The following ACSM3 variants were observed in gnomAD, a reference collection of about 807,000 sequenced individuals.
The protein encoded by ACSM3 is acyl-coenzyme A synthetase ACSM3, mitochondrial.
ACSM3 carries 61 observed loss-of-function variants against 74.1 expected under a neutral mutation model. The observed-to-expected ratio is 0.82, with a 90% confidence interval of 0.67 to 1.02. The LOEUF is 1.02. ACSM3 is among the 50% of genes least tolerant of loss of function. The pLI is 0.00. For missense variants in ACSM3, 660 were observed against 697.0 expected (o/e 0.95, Z 0.60); for synonymous variants, 213 against 241.5 (o/e 0.88, Z 1.09).
At chr16:20,703,123 A>G (rs954654050) in intron 1 of ACSM3, 1 of 152,202 alleles carries the variant, frequency 6.6e-6, no homozygotes, top group African/African-American at 2.4e-5. Context: ...AGATGGCTGT[A>G]GATGTATAGT....
intron 1 of ACSM3, among the ~76,000 whole-genome samples, chr16:20,713,156 A>G (rs1226910383): frequency 6.6e-6 from 1 of 152,202 alleles, no homozygotes; most frequent in Non-Finnish European, 1.5e-5. Context: ...TATCCATACA[A>G]TGGAGATAAT....
intron 1 of ACSM3, among the ~76,000 whole-genome samples, chr16:20,715,572 C>T (rs1171110169): frequency 6.6e-6 from 1 of 152,038 alleles, no homozygotes; most frequent in South Asian, 2.1e-4. Context: ...CCACTGCACT[C>T]CAGCCTGGGT....
intron 1 of ACSM3, among the ~76,000 whole-genome samples, chr16:20,695,471 G>T (rs549791997): frequency 8.0e-4 from 122 of 152,254 alleles, no homozygotes; most frequent in African/African-American, 2.8e-3. Flanking sequence ...TGGAGTTAAG[G>T]TCTAAAGAGA....
chr16:20,730,532 C>T (rs1458211880), intron 1 of ACSM3, among the ~76,000 whole-genome samples: 3 of 152,134 alleles, frequency 2.0e-5, no homozygotes, highest in African/African-American at 7.2e-5. Context: ...ACATCTGTAC[C>T]TCCCTCTCAC....
chr16:20,736,538 T>C lies in ACSM3; in HGVS notation c.-189-13372T>C, dbSNP rs74011851. ...CTGTGGCATGTAAAAACTCCTTCCT[T>C]AGAATGAAAACTTCCCTCTGATTTT... On this transcript the variant is annotated intron_variant, in intron 1 of 3. Coordinates refer to the ACSM3 transcript ENST00000561584. 1.2e-3 allele frequency: 263 copies of C among 221,072 alleles called. 1 individual carries two copies. The highest frequency in any genetic ancestry group is 5.5e-3 in the African/African-American group (241 of 44,158). The allele number at this position is 221,072 out of a possible 1,614,324, so 13.7% of individuals were successfully genotyped here.
intron 2 of ACSM3, among the ~76,000 whole-genome samples, chr16:20,753,852 T>C (rs890487455): frequency 3.7e-5 from 3 of 80,418 alleles, no homozygotes; most frequent in African/African-American, 1.4e-4. Context: ...AAGAAAGAAA[T>C]GAAAAGAAGA....
chr16:20,785,244 T>C, intron 8 of ACSM3, 137 bp downstream of exon 8: 2 of 1,224,866 alleles, frequency 1.6e-6, no homozygotes, highest in Non-Finnish European at 2.2e-6. Flanking sequence ...AAACAATGCT[T>C]GCAAGAACCT....
chr16:20,771,694 C>T (rs1192196161), intron 2 of ACSM3, among the ~76,000 whole-genome samples: 1 of 152,148 alleles, frequency 6.6e-6, no homozygotes, highest in Non-Finnish European at 1.5e-5. Flanking sequence ...CTGCAATAAA[C>T]ATGGCAGTGC....
intron 1 of ACSM3, chr16:20,679,752 C>T (rs907501278): frequency 6.6e-6 from 1 of 152,286 alleles, no homozygotes; most frequent in African/African-American, 2.4e-5. Context: ...ACAACCAGAC[C>T]ACCTATTCGG....
intron 1 of ACSM3, among the ~76,000 whole-genome samples, chr16:20,685,819 C>CGA (rs2079538798): frequency 2.0e-5 from 1 of 50,190 alleles, no homozygotes; most frequent in Non-Finnish European, 3.2e-5. Flanking sequence ...GACTCCGTCT[C>CGA]AAAAAAAAAA....
chr16:20,782,029 T>C (rs1297241685), intron 7 of ACSM3, among the ~76,000 whole-genome samples: 1 of 152,104 alleles, frequency 6.6e-6, no homozygotes, highest in Non-Finnish European at 1.5e-5. Context: ...CTAAGCCCAG[T>C]GGTTATGGGT....
At chr16:20,694,353 A>G (rs753796450) in intron 1 of ACSM3, among the ~76,000 whole-genome samples, 3 of 152,226 alleles carry the variant, frequency 2.0e-5, no homozygotes, top group Non-Finnish European at 2.9e-5. Context: ...CAGGAAGTAA[A>G]AATGGCCTTG....
chr16:20,780,737 G>C lies in ACSM3; in HGVS notation c.662G>C (p.Cys221Ser). The C allele has an allele frequency of 6.2e-7, 1 of 1,614,152 alleles. No individual in the cohort carries two copies. Among genetic ancestry groups the C allele is most frequent in the South Asian group, 1.1e-5 (1 of 91,082 alleles). The change falls in exon 5 of 14, where the codon TGT (cysteine) becomes TCT (serine). Residue 221 changes from cysteine to serine, a missense_variant. Transcript: ENST00000289416. Reference protein sequence around the residue: ...LMKHASDSHTCVKTKHNEIMA... With the variant: ...LMKHASDSHTSVKTKHNEIMA... Reference sequence around the variant, plus strand: ...AGACATGCCAGTGACAGCCACACCTGTGTGAAGACAAAACACAATGAGATC... The same window carrying C: ...AGACATGCCAGTGACAGCCACACCTCTGTGAAGACAAAACACAATGAGATC...
chr16:20,743,515 G>A (rs1416197464), intron 1 of ACSM3: 1 of 152,046 alleles, frequency 6.6e-6, no homozygotes, highest in Non-Finnish European at 1.5e-5. Context: ...CTACTCTTCA[G>A]GTACAAACCT....
chr16:20,697,323 G>A (rs1323363117), intron 1 of ACSM3, among the ~76,000 whole-genome samples: 1 of 152,026 alleles, frequency 6.6e-6, no homozygotes, highest in African/African-American at 2.4e-5. Context: ...ATTCATCTCT[G>A]ACTTTGTGCC....
chr16:20,701,538 T>A (rs955123497), intron 1 of ACSM3, among the ~76,000 whole-genome samples: 1 of 152,148 alleles, frequency 6.6e-6, no homozygotes, highest in Admixed American at 6.5e-5. Context: ...TTTAAAAAAA[T>A]TTTTACTTTA....
At chr16:20,759,814 G>C (rs1411995271), upstream of ACSM3, among the ~76,000 whole-genome samples, 1 of 152,182 alleles carries the variant, frequency 6.6e-6, no homozygotes, top group Admixed American at 6.5e-5. Context: ...CTCAAGGAGA[G>C]GGGTTAGAAG....
intron 3 of ACSM3, among the ~76,000 whole-genome samples, chr16:20,776,399 G>A (rs1456253920): frequency 6.6e-6 from 1 of 152,214 alleles, no homozygotes; most frequent in Non-Finnish European, 1.5e-5. Flanking sequence ...AGTGTCAAGA[G>A]TCCAGGAATG....
At chr16:20,796,311 C>T (rs748730935) in intron 12 of ACSM3, 59 bp from the exon 13 acceptor site, 9 of 1,580,236 alleles carry the variant, frequency 5.7e-6, no homozygotes, top group Non-Finnish European at 7.7e-6. Flanking sequence ...GCAAACAAGA[C>T]ATACTAAAAC....
Sources: allele counts gnomAD v4.1 joint callset (sites outside exome capture counted in the v4.1 genomes callset), GRCh38; gene constraint gnomAD v4.1.1; transcripts MANE v1.5; gene names NCBI Gene and HGNC (gene_info 2026-07-23, HGNC 2026-07-21).